Variants in UGT2B7 observed in about 807,000 individuals in gnomAD.
The protein encoded by UGT2B7 is UDP glucuronosyltransferase family 2 member B7.
In UGT2B7, 51 loss-of-function variants were observed where a neutral mutation model predicts 51.9. The observed-to-expected ratio is 0.98, with a 90% CI of 0.78 to 1.24. UGT2B7 has a LOEUF of 1.24. Among genes scored for constraint, UGT2B7 ranks in the 50% most tolerant of loss-of-function variants. The pLI is 0.00. For missense variants in UGT2B7, 727 were observed against 628.4 expected, an observed-to-expected ratio of 1.16 and a Z score of -1.68; for synonymous variants, 225 against 211.6, an observed-to-expected ratio of 1.06 and a Z score of -0.55.
chr4:69,108,161 A>C lies in UGT2B7; in HGVS notation c.1149A>C (p.Ala383=). 7 of 1,613,740 alleles carry C rather than the reference A, an allele frequency of 4.3e-6. No individual in the cohort carries two copies. The highest frequency in any genetic ancestry group is 5.9e-6 in the Non-Finnish European group (7 of 1,179,690). Residue 383 remains alanine (A), a synonymous_variant, in exon 5 of 6, where the codon GCA becomes GCC. Transcript: ENST00000305231. ...GTGGAGCCAATGGCATCTACGAGGCAATCTACCATGGGATCCCTATGGTGG... is the reference window on the plus strand; with the variant it reads ...GTGGAGCCAATGGCATCTACGAGGCCATCTACCATGGGATCCCTATGGTGG... The part of the protein sequence containing the change: ...THGGANGIYE[A]IYHGIPMVGI...
At chr4:69,075,104 T>A (rs1265381822) in intron 1 of UGT2B7, among the ~76,000 whole-genome samples, 1 of 152,154 alleles carries the variant, frequency 6.6e-6, no homozygotes, top group Non-Finnish European at 1.5e-5. Flanking sequence ...TTTTATTGTG[T>A]TTTTAATGTC....
chr4:69,098,374 T>C (rs1189003839), intron 1 of UGT2B7, among the ~76,000 whole-genome samples, 166 bp from the exon 2 acceptor site: 3 of 152,042 alleles, frequency 2.0e-5, no homozygotes, highest in Admixed American at 6.6e-5. Flanking sequence ...GGGCAAAATA[T>C]GTAATACATA....
At position 69,108,324 on chromosome 4, in the gene UGT2B7, T is replaced by G; in HGVS notation, c.1310+2T>G. On this transcript the variant is annotated splice_donor_variant, in intron 5 of 5. Transcript: ENST00000305231. LOFTEE classifies it high-confidence loss of function. Reference sequence around the variant, plus strand: ...GAAGAGAGTAATTAATGATCCTTCGTGAGTAGAACAATATTTTTCACTAGG... The same window carrying G: ...GAAGAGAGTAATTAATGATCCTTCGGGAGTAGAACAATATTTTTCACTAGG... 6.2e-7 allele frequency: 1 copy of G among 1,613,098 alleles called. No individual in the cohort carries two copies. The highest frequency in any genetic ancestry group is 8.5e-7 in the Non-Finnish European group (1 of 1,179,214).
At chr4:69,051,427 C>T (rs549108461) in exon 1 of UGT2B7, 17 of 152,366 alleles carry the variant, frequency 1.1e-4, no homozygotes, top group African/African-American at 4.1e-4. Flanking sequence ...TGGAGTGCCC[C>T]TGTGGGGGAC....
rs554240518 is a variant in UGT2B7, at chr4:69,112,883, A to G, written c.*147A>G. The G allele has an allele frequency of 7.8e-5, 102 of 1,301,720 alleles. 1 individual carries two copies. The Admixed American group carries it at 3.3e-3, about 42-fold the overall frequency. 80.6% of individuals were successfully genotyped at this position (1,301,720 alleles called of 1,614,324 possible). ...AATCTTTTCAAAATTTACTTTGTCA[A>G]ATAAAAATTTGTTTTTCAGAGATTT... On this transcript the variant is annotated 3_prime_UTR_variant, in exon 6 of 6. Transcript: ENST00000305231.
chr4:69,100,352 A>G lies in UGT2B7; in HGVS notation c.870+1664A>G, dbSNP rs978517203. 7.9e-5 allele frequency among the ~76,000 whole-genome samples: 12 copies of G among 152,156 alleles called. No individual in the cohort carries two copies. The East Asian group carries it at 9.7e-4, about 12-fold the overall frequency. ...ATTATATTTTTTATGAAGGAACACA[A>G]TAAACTCATATATTTTAAATTAATA... On this transcript the variant is annotated intron_variant, in intron 2 of 5. Transcript: ENST00000305231.
chr4:69,063,331 A>G (rs1290450298), intron 1 of UGT2B7, among the ~76,000 whole-genome samples: 1 of 150,168 alleles, frequency 6.7e-6, no homozygotes, highest in Non-Finnish European at 1.5e-5. Flanking sequence ...AAAAAAAAAA[A>G]AAAAAAAAGA....
At chr4:69,108,738 G>T (rs1320556745) in intron 5 of UGT2B7, among the ~76,000 whole-genome samples, 5 of 151,852 alleles carry the variant, frequency 3.3e-5, no homozygotes, top group Admixed American at 1.3e-4. Flanking sequence ...TATTGTAACA[G>T]ACTTGAAAAT....
At chr4:69,059,985 G>A (rs552877401) in intron 1 of UGT2B7, among the ~76,000 whole-genome samples, 2 of 152,204 alleles carry the variant, frequency 1.3e-5, no homozygotes, top group African/African-American at 4.8e-5. Context: ...TTTTCAATGG[G>A]GTAAATCACA....
chr4:69,068,825 C>T (rs184913561), intron 1 of UGT2B7, among the ~76,000 whole-genome samples: 14 of 152,024 alleles, frequency 9.2e-5, no homozygotes, highest in African/African-American at 3.4e-4. Flanking sequence ...TATATGCATC[C>T]TTATTCTTTG....
At chr4:69,076,206 T>C (rs1718702495) in intron 1 of UGT2B7, among the ~76,000 whole-genome samples, 1 of 152,208 alleles carries the variant, frequency 6.6e-6, no homozygotes, top group African/African-American at 2.4e-5. Flanking sequence ...TGGTTCCAAG[T>C]CTTTGCTATT....
intron 1 of UGT2B7, among the ~76,000 whole-genome samples, chr4:69,085,654 G>A (rs891384151): frequency 6.6e-6 from 1 of 151,650 alleles, no homozygotes; most frequent in African/African-American, 2.4e-5. Flanking sequence ...TCAGTTCATG[G>A]TTTTTTGTTT....
At chr4:69,097,363 A>G in intron 1 of UGT2B7, 122 bp downstream of exon 1, 1 of 1,168,292 alleles carries the variant, frequency 8.6e-7, no homozygotes. Flanking sequence ...ATAAAACAAA[A>G]ATACAAGATG....
At chr4:69,098,822 T>C (rs1234061294) in intron 2 of UGT2B7, 134 bp downstream of exon 2, 1 of 1,449,210 alleles carries the variant, frequency 6.9e-7, no homozygotes, top group East Asian at 2.3e-5. Context: ...CAGATACCAA[T>C]TAGAAACTCA....
At chr4:69,074,447 A>ATATATATATATATATATATAT (rs1560502384) in intron 1 of UGT2B7, among the ~76,000 whole-genome samples, 5 of 93,246 alleles carry the variant, frequency 5.4e-5, no homozygotes, top group African/African-American at 2.5e-4. Flanking sequence ...TATATATATA[A>ATATATATATATATATATATAT]ATTAAAAATC....
intron 1 of UGT2B7, among the ~76,000 whole-genome samples, chr4:69,052,269 TC>T (rs1309891080): frequency 4.0e-5 from 6 of 148,910 alleles, no homozygotes; most frequent in East Asian, 2.0e-4. Context: ...TTAGACCCCT[TC>T]CCCCCCAACA....
chr4:69,066,930 C>T (rs1432887642), intron 1 of UGT2B7, among the ~76,000 whole-genome samples: 5 of 152,072 alleles, frequency 3.3e-5, no homozygotes, highest in African/African-American at 7.2e-5. Flanking sequence ...GTTGGTAACA[C>T]ATTTCATGAT....
At chr4:69,083,475 T>C (rs183617636) in intron 1 of UGT2B7, among the ~76,000 whole-genome samples, 1 of 152,120 alleles carries the variant, frequency 6.6e-6, no homozygotes, top group East Asian at 1.9e-4. Flanking sequence ...TTAACAGGAG[T>C]TTGGAAGAAC....
intron 5 of UGT2B7, among the ~76,000 whole-genome samples, chr4:69,109,488 G>C (rs528457543): frequency 6.6e-6 from 1 of 152,152 alleles, no homozygotes; most frequent in South Asian, 2.1e-4. Flanking sequence ...TACGGCTAAA[G>C]GTGTTGAGAA....
Sources: allele counts gnomAD v4.1 joint callset (sites outside exome capture counted in the v4.1 genomes callset), GRCh38; gene constraint gnomAD v4.1.1; transcripts MANE v1.5; gene names NCBI Gene and HGNC (gene_info 2026-07-23, HGNC 2026-07-21).